Variants in POU6F2 observed in about 807,000 individuals in gnomAD.
The protein encoded by POU6F2 is POU domain, class 6, transcription factor 2.
A neutral mutation model predicts 71.3 loss-of-function variants in POU6F2; 31 were observed. That is an observed-to-expected ratio of 0.43 (90% CI 0.33 to 0.59). The LOEUF is 0.59. POU6F2 is among the 20% of genes least tolerant of loss of function. The probability of loss-of-function intolerance (pLI) is 0.04; values close to 1 mark genes in which losing one functional copy is unlikely to be tolerated. For synonymous variants in POU6F2, 347 were observed against 355.7 expected, an observed-to-expected ratio of 0.98 and a Z score of 0.27; for missense variants, 783 against 856.8, an observed-to-expected ratio of 0.91 and a Z score of 1.07.
intron 4 of POU6F2, among the ~76,000 whole-genome samples, chr7:39,260,802 G>A (rs1010005530): frequency 2.0e-5 from 3 of 151,012 alleles, no homozygotes; most frequent in African/African-American, 7.3e-5. Context: ...ACACATATAT[G>A]ACATACATAC....
At chr7:39,281,915 C>T (rs117426641) in intron 4 of POU6F2, among the ~76,000 whole-genome samples, 51 of 152,266 alleles carry the variant, frequency 3.3e-4, no homozygotes, top group Non-Finnish European at 5.9e-4. Flanking sequence ...TTTGCATTTA[C>T]ACCAACAGTG....
intron 2 of POU6F2, among the ~76,000 whole-genome samples, chr7:39,092,446 T>C (rs1438624024): frequency 2.0e-5 from 3 of 152,222 alleles, no homozygotes; most frequent in Non-Finnish European, 2.9e-5. Context: ...AAATGTCTTT[T>C]CTTTGAGAAA....
chr7:39,231,469 A>G (rs1323817258), intron 4 of POU6F2, among the ~76,000 whole-genome samples: 1 of 152,180 alleles, frequency 6.6e-6, no homozygotes, highest in Non-Finnish European at 1.5e-5. Flanking sequence ...ATATATAATT[A>G]TACCCTTTTA....
intron 4 of POU6F2, among the ~76,000 whole-genome samples, chr7:39,238,227 G>T (rs924089951): frequency 6.6e-6 from 1 of 152,134 alleles, no homozygotes; most frequent in African/African-American, 2.4e-5. Context: ...TGAGCACAAA[G>T]ATAGTACTCG....
In POU6F2 at chr7:39,464,091, C is replaced by T. The variant is rs762529982; in HGVS notation, c.1659-91C>T. 1.3e-4 allele frequency: 190 copies of T among 1,481,008 alleles called. No individual in the cohort carries two copies. Among genetic ancestry groups the T allele is most frequent in the Admixed American group, 1.6e-4 (8 of 49,780 alleles). 91.7% of individuals were successfully genotyped at this position (1,481,008 alleles called of 1,614,324 possible). A position where few individuals can be genotyped will look rare whatever the true frequency, so the allele number is the denominator to read the frequency against. ...GCTGGCTATTAACCTGCAGTAAATT[C>T]GCCCTGCCAGGCAGTCAGGCAGGCA... On this transcript the variant is annotated intron_variant, in intron 9 of 9. Transcript: ENST00000518318. The surrounding 1 kb of genome is among the most constrained non-coding windows in gnomAD (Gnocchi z 4.1).
At chr7:39,046,119 G>T (rs950115573) in intron 1 of POU6F2, among the ~76,000 whole-genome samples, 13 of 151,774 alleles carry the variant, frequency 8.6e-5, no homozygotes, top group African/African-American at 3.1e-4. Context: ...GCCAAAAATT[G>T]ATATTGTCTA....
chr7:39,046,150 G>T (rs1584515409), intron 1 of POU6F2, among the ~76,000 whole-genome samples: 1 of 151,890 alleles, frequency 6.6e-6, no homozygotes, highest in African/African-American at 2.4e-5. Flanking sequence ...TATAACTATT[G>T]TAATGGATTT....
chr7:39,252,088 T>C (rs1195611673), intron 4 of POU6F2, among the ~76,000 whole-genome samples: 1 of 152,148 alleles, frequency 6.6e-6, no homozygotes, highest in Non-Finnish European at 1.5e-5. Flanking sequence ...AGTGTGTGGC[T>C]ATCCCTGTTG....
At chr7:39,369,029 T>G (rs1239522648) in intron 5 of POU6F2, among the ~76,000 whole-genome samples, 2 of 152,128 alleles carry the variant, frequency 1.3e-5, no homozygotes, top group Admixed American at 6.5e-5. Context: ...TGCAATCTCA[T>G]GAGAAAATTT....
chr7:39,011,177 C>T, intron 1 of POU6F2, among the ~76,000 whole-genome samples: 1 of 139,316 alleles, frequency 7.2e-6, no homozygotes. Flanking sequence ...TTGTAGGTCA[C>T]TCAGGACTTG....
At chr7:39,035,518 G>A (rs1209536626) in intron 1 of POU6F2, among the ~76,000 whole-genome samples, 1 of 152,094 alleles carries the variant, frequency 6.6e-6, no homozygotes, top group African/African-American at 2.4e-5. Context: ...AACTGGCAGC[G>A]ACAAAGACAA....
intron 2 of POU6F2, among the ~76,000 whole-genome samples, chr7:39,132,873 T>C (rs1444837370): frequency 6.6e-6 from 1 of 152,130 alleles, no homozygotes; most frequent in Non-Finnish European, 1.5e-5. Flanking sequence ...CAGGACTGCC[T>C]TTTTTCCCCC....
chr7:39,277,855 G>A (rs1021313990), intron 4 of POU6F2, among the ~76,000 whole-genome samples: 2 of 151,994 alleles, frequency 1.3e-5, no homozygotes, highest in East Asian at 1.9e-4. Flanking sequence ...TCAAGAGGTC[G>A]AGATCATCCT....
intron 2 of POU6F2, among the ~76,000 whole-genome samples, chr7:39,172,509 T>C (rs1213531024): frequency 6.6e-6 from 1 of 152,106 alleles, no homozygotes; most frequent in African/African-American, 2.4e-5. Context: ...AACCCAGGAA[T>C]TGTAGGAAAA....
Position 39,376,365 on chromosome 7 carries a change from CTG to C in POU6F2, c.973-30231_973-30230del, listed in dbSNP as rs1276006450. Among the ~76,000 whole-genome samples, 4 of 152,054 alleles carry C rather than the reference CTG, an allele frequency of 2.6e-5. 1 individual carries two copies. Among genetic ancestry groups the C allele is most frequent in the Non-Finnish European group, 1.5e-5 (1 of 68,018 alleles). On this transcript the variant is annotated intron_variant, in intron 5 of 9. Transcript: ENST00000518318. ...TGCTAAAATTAAGTATGAAAATAAA[CTG>C]TGTTGGAGGAGTGAGTAGTCAGGAG... is the stretch of plus-strand genomic sequence containing the variant.
intron 2 of POU6F2, among the ~76,000 whole-genome samples, chr7:39,109,999 G>C (rs899756699): frequency 6.6e-6 from 1 of 152,210 alleles, no homozygotes; most frequent in South Asian, 2.1e-4. Flanking sequence ...GGCTGGGCGC[G>C]GAGGCTCACG....
At chr7:39,211,290 C>G (rs765770153) in intron 4 of POU6F2, among the ~76,000 whole-genome samples, 8 of 152,256 alleles carry the variant, frequency 5.3e-5, no homozygotes, top group East Asian at 1.9e-4. Context: ...ATGGATGACC[C>G]ACATGAAGGC....
At chr7:39,133,032 T>G (rs1395376471) in intron 2 of POU6F2, among the ~76,000 whole-genome samples, 1 of 152,190 alleles carries the variant, frequency 6.6e-6, no homozygotes, top group Admixed American at 6.5e-5. Flanking sequence ...ATGAAACAAG[T>G]CAATCCCGCT....
chr7:39,328,300 C>A (rs1464348830), intron 4 of POU6F2, among the ~76,000 whole-genome samples: 1 of 152,220 alleles, frequency 6.6e-6, no homozygotes, highest in Non-Finnish European at 1.5e-5. Flanking sequence ...ATGAAACATG[C>A]AGGATCTCCC....
Sources: gnomAD v4.1 joint callset for allele counts (sites outside exome capture counted in the v4.1 genomes callset) on GRCh38, gnomAD v4.1.1 for gene constraint, Gnocchi (gnomAD v3.1) non-coding constraint, MANE v1.5 for transcripts, NCBI Gene and HGNC (gene_info 2026-07-23, HGNC 2026-07-21) for gene names.